The following TMEM245 variants were observed in gnomAD, a reference collection of about 807,000 sequenced individuals.
TMEM245 encodes transmembrane protein 245.
TMEM245 carries 69 observed loss-of-function variants against 101.2 expected under a neutral mutation model. That is an observed-to-expected ratio of 0.68 (90% CI 0.56 to 0.83). The LOEUF (loss-of-function observed/expected upper bound fraction) is 0.83, where lower values mean the gene tolerates loss of function less well. Ranked by LOEUF, TMEM245 falls within the 40% of genes least tolerant of loss-of-function variation. TMEM245 has a pLI of 0.00. For missense variants in TMEM245, 1,075 were observed against 1,092.8 expected, an observed-to-expected ratio of 0.98 and a Z score of 0.23; for synonymous variants, 537 against 449.8, an observed-to-expected ratio of 1.19 and a Z score of -2.45.
intron 1 of TMEM245, among the ~76,000 whole-genome samples, chr9:109,110,406 C>G (rs565763940): frequency 1.3e-5 from 2 of 152,210 alleles, no homozygotes; most frequent in South Asian, 4.1e-4. Context: ...CAATAAATGA[C>G]AGAGGCAGGA....
At chr9:109,067,144 AC>A (rs1829195955) in intron 9 of TMEM245, among the ~76,000 whole-genome samples, 1 of 152,116 alleles carries the variant, frequency 6.6e-6, no homozygotes, top group Admixed American at 6.6e-5. Context: ...GCCTGGGAAA[AC>A]GTCTTATTGG....
chr9:109,081,838 C>T (rs1829673955), intron 7 of TMEM245, among the ~76,000 whole-genome samples: 1 of 152,166 alleles, frequency 6.6e-6, no homozygotes, highest in Admixed American at 6.5e-5. Flanking sequence ...CATTATCTTG[C>T]TATAACTTCC....
intron 8 of TMEM245, among the ~76,000 whole-genome samples, chr9:109,076,759 C>T (rs183468386): frequency 1.3e-5 from 2 of 152,280 alleles, no homozygotes; most frequent in Admixed American, 1.3e-4. Flanking sequence ...GGTGCAATCA[C>T]GGCTCACTAC....
chr9:109,055,239 C>T (rs12004978), intron 12 of TMEM245, among the ~76,000 whole-genome samples: 8,904 of 152,246 alleles, frequency 0.058, 887 homozygotes, highest in African/African-American at 0.21. Context: ...GTTAACACAC[C>T]TGAATTTTTG....
chr9:109,045,370 G>A (rs1485078957), intron 14 of TMEM245, among the ~76,000 whole-genome samples: 2 of 152,130 alleles, frequency 1.3e-5, no homozygotes, highest in African/African-American at 4.8e-5. Flanking sequence ...GAAGGGCACA[G>A]GGGATGAGCT....
chr9:109,057,108 G>T, intron 12 of TMEM245, 83 bp downstream of exon 12: 2 of 1,432,692 alleles, frequency 1.4e-6, no homozygotes, highest in Non-Finnish European at 1.9e-6. Flanking sequence ...GATAGATGAG[G>T]CCTCAAAGTG....
chr9:109,060,294 A>C (rs1828970624), intron 11 of TMEM245, 60 bp downstream of exon 11: 10 of 1,195,254 alleles, frequency 8.4e-6, no homozygotes, highest in Non-Finnish European at 1.2e-5. Flanking sequence ...TATCTAGTTG[A>C]TGAGTCAATA....
intron 9 of TMEM245, among the ~76,000 whole-genome samples, chr9:109,072,027 A>G (rs1460491545): frequency 2.0e-5 from 3 of 152,246 alleles, no homozygotes; most frequent in African/African-American, 4.8e-5. Flanking sequence ...AAATATGTCA[A>G]TGAGTAGACA....
At chr9:109,048,573 A>G (rs1828573289) in intron 14 of TMEM245, among the ~76,000 whole-genome samples, 1 of 152,212 alleles carries the variant, frequency 6.6e-6, no homozygotes, top group Admixed American at 6.5e-5. Context: ...GTATTAGAAA[A>G]AGGAGCTCTA....
chr9:109,067,322 C>G (rs1829200639), intron 9 of TMEM245, among the ~76,000 whole-genome samples: 1 of 152,110 alleles, frequency 6.6e-6, no homozygotes, highest in South Asian at 2.1e-4. Context: ...GTACTCCGGC[C>G]TTACACCTCT....
intron 3 of TMEM245, among the ~76,000 whole-genome samples, chr9:109,103,350 C>G (rs942605238): frequency 4.7e-4 from 71 of 152,274 alleles, no homozygotes; most frequent in Non-Finnish European, 9.8e-4. Context: ...AACAATTCCA[C>G]ATGATAGTAT....
chr9:109,089,626 A>G (rs1829941963), intron 5 of TMEM245, among the ~76,000 whole-genome samples: 1 of 152,208 alleles, frequency 6.6e-6, no homozygotes, highest in Non-Finnish European at 1.5e-5. Flanking sequence ...AGCCCAAATA[A>G]TCAGGAAAAT....
intron 8 of TMEM245, among the ~76,000 whole-genome samples, chr9:109,074,568 C>T (rs1205003577): frequency 6.6e-6 from 1 of 151,996 alleles, no homozygotes; most frequent in African/African-American, 2.4e-5. Context: ...AGATCAAAGT[C>T]CCCCACCCAC....
At chr9:109,097,559 T>C (rs78510182) in intron 3 of TMEM245, among the ~76,000 whole-genome samples, 3,912 of 152,306 alleles carry the variant, frequency 0.026, 171 homozygotes, top group African/African-American at 0.09. Flanking sequence ...TGTCCCAGTC[T>C]CCTCATGTGT....
intron 7 of TMEM245, among the ~76,000 whole-genome samples, chr9:109,083,922 A>C (rs910195452): frequency 9.8e-5 from 14 of 142,548 alleles, no homozygotes; most frequent in Non-Finnish European, 1.7e-4. Context: ...AAAAAAAAAA[A>C]AAAAAAACAC....
At chr9:109,023,836 CAAAAAAAAAAAA>C (rs139227712) in intron 17 of TMEM245, among the ~76,000 whole-genome samples, 1 of 82,800 alleles carries the variant, frequency 1.2e-5, no homozygotes, top group South Asian at 3.7e-4. Flanking sequence ...ACTCTGTTTC[CAAAAAAAAAAAA>C]AAAAAGAATA....
At chr9:109,062,053 G>A (rs970485097) in intron 10 of TMEM245, among the ~76,000 whole-genome samples, 5 of 152,056 alleles carry the variant, frequency 3.3e-5, no homozygotes, top group African/African-American at 4.8e-5. Flanking sequence ...CACCCAGGCC[G>A]GAGTGCAGTG....
intron 14 of TMEM245, among the ~76,000 whole-genome samples, chr9:109,049,119 A>G (rs1828592811): frequency 6.6e-6 from 1 of 152,252 alleles, no homozygotes; most frequent in Admixed American, 6.5e-5. Context: ...CAGCTAGTCT[A>G]AGATCCTGCT....
rs558883872 is a variant in TMEM245, at chr9:109,040,385, C to T, written c.2124-2268G>A. 6.7e-4 allele frequency among the ~76,000 whole-genome samples: 102 copies of T among 152,272 alleles called. 3 individuals are homozygous for T. The South Asian group carries it at 0.021, about 31-fold the overall frequency. Reference sequence around the variant, plus strand: ...AATAATAAAACTCACCAATTTGAAGCATTCAATTCAGTAATGTGCACAAAT... The same window carrying T: ...AATAATAAAACTCACCAATTTGAAGTATTCAATTCAGTAATGTGCACAAAT... On this transcript the variant is annotated intron_variant, in intron 14 of 17. Coordinates refer to ENST00000374586, the MANE Select transcript of TMEM245 (RefSeq NM_032012.4).
Sources: allele counts gnomAD v4.1 joint callset (sites outside exome capture counted in the v4.1 genomes callset), GRCh38; gene constraint gnomAD v4.1.1; transcripts MANE v1.5; gene names NCBI Gene and HGNC (gene_info 2026-07-23, HGNC 2026-07-21).